Variants in FBXO16 observed in about 807,000 individuals in gnomAD.
The protein encoded by FBXO16 is F-box protein 16.
In FBXO16, 31 loss-of-function variants were observed where a neutral mutation model predicts 41.0. The observed-to-expected ratio is 0.76, with a 90% confidence interval of 0.57 to 1.02. FBXO16 has a LOEUF of 1.02. Among genes scored for constraint, FBXO16 ranks in the 50% least tolerant of loss-of-function variants. The probability of loss-of-function intolerance (pLI) is 0.00; values close to 1 mark genes in which losing one functional copy is unlikely to be tolerated. For synonymous variants in FBXO16, 133 were observed against 117.8 expected, an observed-to-expected ratio of 1.13 and a Z score of -0.84; for missense variants, 361 against 346.2, an observed-to-expected ratio of 1.04 and a Z score of -0.34.
intron 7 of FBXO16, among the ~76,000 whole-genome samples, chr8:28,441,783 A>G (rs1472693759): frequency 6.6e-6 from 1 of 150,434 alleles, no homozygotes; most frequent in African/African-American, 2.4e-5. Context: ...TCTTTACACA[A>G]GGTTGAAAAT....
At chr8:28,443,334 C>T (rs945914798) in intron 7 of FBXO16, among the ~76,000 whole-genome samples, 1 of 152,140 alleles carries the variant, frequency 6.6e-6, no homozygotes, top group Non-Finnish European at 1.5e-5. Flanking sequence ...CATGTGTCCT[C>T]TTTTATTCTC....
intron 7 of FBXO16, among the ~76,000 whole-genome samples, chr8:28,434,573 T>C (rs1802658897): frequency 6.6e-6 from 1 of 152,244 alleles, no homozygotes; most frequent in South Asian, 2.1e-4. Flanking sequence ...TAAAGAATCT[T>C]ACCACATCTT....
intron 3 of FBXO16, among the ~76,000 whole-genome samples, chr8:28,466,136 G>A (rs1419654975): frequency 1.3e-5 from 2 of 152,178 alleles, no homozygotes; most frequent in Non-Finnish European, 2.9e-5. Context: ...CTATTCGGGA[G>A]TGTGAGGCAG....
intron 2 of FBXO16, among the ~76,000 whole-genome samples, chr8:28,478,825 A>G (rs1329664031): frequency 6.7e-6 from 1 of 148,268 alleles, no homozygotes; most frequent in African/African-American, 2.5e-5. Context: ...TGTCTCCAAA[A>G]AAAAAAAAAA....
chr8:28,467,340 A>T (rs1450800533), intron 3 of FBXO16, among the ~76,000 whole-genome samples: 1 of 152,128 alleles, frequency 6.6e-6, no homozygotes, highest in Admixed American at 6.5e-5. Flanking sequence ...GGAATAAGAC[A>T]ATTTGATGTC....
intron 7 of FBXO16, among the ~76,000 whole-genome samples, chr8:28,440,651 C>G (rs562783794): frequency 6.6e-6 from 1 of 152,108 alleles, no homozygotes; most frequent in Admixed American, 6.6e-5. Context: ...AAAGTTATCC[C>G]TGGAAAGAGG....
chr8:28,488,213 C>T (rs1463218609), intron 1 of FBXO16, among the ~76,000 whole-genome samples: 1 of 149,668 alleles, frequency 6.7e-6, no homozygotes, highest in African/African-American at 2.5e-5. Context: ...GACCCTAGTT[C>T]TTGACATATG....
At chr8:28,460,091 A>C (rs1277779510) in intron 4 of FBXO16, among the ~76,000 whole-genome samples, 2 of 151,414 alleles carry the variant, frequency 1.3e-5, no homozygotes, top group African/African-American at 4.9e-5. Flanking sequence ...AAATTCAAAG[A>C]AACAAAGGAA....
intron 7 of FBXO16, among the ~76,000 whole-genome samples, chr8:28,437,910 G>A (rs753261899): frequency 4.6e-4 from 70 of 152,058 alleles, no homozygotes; most frequent in Non-Finnish European, 9.4e-4. Context: ...ACACCACAAT[G>A]ATGAGGAGTC....
At chr8:28,481,950 T>C (rs754147123) in intron 2 of FBXO16, among the ~76,000 whole-genome samples, 3 of 152,210 alleles carry the variant, frequency 2.0e-5, no homozygotes, top group Non-Finnish European at 4.4e-5. Flanking sequence ...ACTTACTGCT[T>C]ACTATGAAAA....
chr8:28,472,125 G>T (rs1293875486), intron 3 of FBXO16, among the ~76,000 whole-genome samples: 1 of 152,088 alleles, frequency 6.6e-6, no homozygotes, highest in Admixed American at 6.6e-5. Context: ...ACATGGTCTT[G>T]CTCTGTTGCC....
At chr8:28,441,624 T>C (rs896193746) in intron 7 of FBXO16, among the ~76,000 whole-genome samples, 5 of 150,904 alleles carry the variant, frequency 3.3e-5, no homozygotes, top group African/African-American at 1.2e-4. Context: ...TAGTCCCAGC[T>C]ACTCAGGAGG....
chr8:28,441,900 GTA>G (rs147243939), intron 7 of FBXO16, among the ~76,000 whole-genome samples: 5,747 of 126,760 alleles, frequency 0.045, 249 homozygotes, highest in African/African-American at 0.13. Flanking sequence ...ACTCCACAGT[GTA>G]TATATATATG....
In FBXO16 at chr8:28,463,792, T is replaced by C. The variant is rs1803186919; in HGVS notation, c.162A>G (p.Arg54=). ...CCAACAGGCCTGTGAGGATTCTTCT[T>C]CTTTGAGAGTCTGTCCATTTGTCAA... ...KWFDKWTDSQ[R]RRILTGLLER... Residue 54 remains arginine, a synonymous_variant, in exon 4 of 9, where the codon AGA becomes AGG. Coordinates refer to ENST00000380254, the MANE Select transcript of FBXO16 (RefSeq NM_172366.4). 2 of 1,613,930 alleles carry C rather than the reference T, an allele frequency of 1.2e-6. No homozygotes were observed. The highest frequency in any genetic ancestry group is 1.7e-6 in the Non-Finnish European group (2 of 1,179,912).
rs184515759 is a variant in FBXO16 at position 28,488,015 on chromosome 8, G to C, written c.-17+2171C>G. ...TTATAGGCGCCTGCCACCACACCCA[G>C]CTAATTTTTGTATTTTTAGTAGAGA... On this transcript the variant is annotated intron_variant, in intron 1 of 8. Transcript: ENST00000380254. 3.4e-3 allele frequency among the ~76,000 whole-genome samples: 512 copies of C among 151,878 alleles called. 3 individuals carry two copies. The highest frequency in any genetic ancestry group is 0.012 in the African/African-American group (490 of 41,436).
In FBXO16 at chr8:28,429,755, C is replaced by T. The variant is rs151056380; in HGVS notation, c.844-352G>A. On this transcript the variant is annotated intron_variant, in intron 7 of 8. Transcript: ENST00000380254. ...CTTTCTTTGACTCATCAATGATATC[C>T]GCCGATGACAGCTCCCTGGTCTTCC... is the stretch of plus-strand genomic sequence containing the variant. 4.4e-3 allele frequency among the ~76,000 whole-genome samples: 671 copies of T among 152,260 alleles called. 6 individuals carry two copies. The highest frequency in any genetic ancestry group is 0.014 in the African/African-American group (596 of 41,552).
intron 4 of FBXO16, among the ~76,000 whole-genome samples, chr8:28,460,241 ATATATTT>A (rs1483628442): frequency 1.1e-5 from 1 of 93,658 alleles, no homozygotes; most frequent in Non-Finnish European, 1.9e-5. Flanking sequence ...ATATATATAT[ATATATTT>A]TTTTTTTTTT....
chr8:28,458,530 C>CTCT (rs753577726), intron 4 of FBXO16, among the ~76,000 whole-genome samples: 17 of 148,254 alleles, frequency 1.1e-4, no homozygotes, highest in South Asian at 2.1e-4. Context: ...TCCTTTTCTC[C>CTCT]TCTTCTTCTT....
chr8:28,456,332 CTT>C (rs1173356251), intron 5 of FBXO16, among the ~76,000 whole-genome samples: 2 of 152,126 alleles, frequency 1.3e-5, no homozygotes, highest in Non-Finnish European at 2.9e-5. Context: ...TATTAGAAAA[CTT>C]TTCCTTATAA....
Sources: gnomAD v4.1 joint callset for allele counts (sites outside exome capture counted in the v4.1 genomes callset) on GRCh38, gnomAD v4.1.1 for gene constraint, MANE v1.5 for transcripts, NCBI Gene and HGNC (gene_info 2026-07-23, HGNC 2026-07-21) for gene names.